Variants in PKIG observed in about 807,000 individuals in gnomAD.
The protein encoded by PKIG is cAMP-dependent protein kinase inhibitor gamma, also known as protein kinase (cAMP-dependent, catalytic) inhibitor gamma.
Under a neutral mutation model 6.8 loss-of-function variants are expected in PKIG, and 1 was observed. The ratio of observed to expected loss-of-function variants is 0.15; its 90% CI spans 0.05 to 0.69. PKIG has a LOEUF of 0.69. PKIG is among the 30% of genes least tolerant of loss of function. PKIG has a pLI of 0.82. For synonymous variants in PKIG, 39 were observed against 43.0 expected, an observed-to-expected ratio of 0.91 and a Z score of 0.36; for missense variants, 77 against 104.0, an observed-to-expected ratio of 0.74 and a Z score of 1.13.
At chr20:44,541,696 T>C (rs2064563081) in intron 1 of PKIG, among the ~76,000 whole-genome samples, 1 of 111,258 alleles carries the variant, frequency 9.0e-6, no homozygotes, top group Non-Finnish European at 1.9e-5. Context: ...CTTTAGGTTC[T>C]TTTTTTTTTT....
chr20:44,590,347 G>A (rs2065024394), intron 2 of PKIG, among the ~76,000 whole-genome samples: 2 of 152,136 alleles, frequency 1.3e-5, no homozygotes, highest in Non-Finnish European at 1.5e-5. Context: ...AAATGGGTTC[G>A]GCCCAGTAGT....
intron 2 of PKIG, among the ~76,000 whole-genome samples, chr20:44,606,291 A>C (rs1161895313): frequency 2.0e-5 from 3 of 152,216 alleles, no homozygotes; most frequent in African/African-American, 7.2e-5. Flanking sequence ...GAACTAAAAC[A>C]ATCAGGCACT....
intron 2 of PKIG, among the ~76,000 whole-genome samples, chr20:44,595,382 T>C (rs1445743872): frequency 6.6e-6 from 1 of 152,236 alleles, no homozygotes; most frequent in Non-Finnish European, 1.5e-5. Context: ...TGCCAGAATC[T>C]TGAGAGAGCA....
rs753045473 is a variant in PKIG, at chr20:44,571,940, A to G, written c.-240-10645A>G. ...GGATCTGTTCTGAAAGCCTTTAATC[A>G]TCGTAGAAACGTTCTCTTTGTAGGG... On this transcript the variant is annotated intron_variant, in intron 1 of 4. Transcript: ENST00000372887. Among the ~76,000 whole-genome samples the G allele has an allele frequency of 2.2e-4, 33 of 149,494 alleles. 1 individual carries two copies. The highest frequency in any genetic ancestry group is 8.0e-4 in the African/African-American group (31 of 38,858).
At chr20:44,562,804 A>G (rs1365352747) in intron 1 of PKIG, among the ~76,000 whole-genome samples, 1 of 152,180 alleles carries the variant, frequency 6.6e-6, no homozygotes, top group East Asian at 1.9e-4. Context: ...CACGCCTGTA[A>G]TCCCACCACT....
intron 1 of PKIG, among the ~76,000 whole-genome samples, chr20:44,586,299 A>G (rs771424863): frequency 2.6e-5 from 4 of 152,200 alleles, no homozygotes; most frequent in Non-Finnish European, 4.4e-5. Flanking sequence ...CCAGAAAGAG[A>G]ATGTCAGCCA....
chr20:44,611,520 CTT>C (rs1330858238), intron 2 of PKIG, among the ~76,000 whole-genome samples: 16 of 141,424 alleles, frequency 1.1e-4, no homozygotes, highest in East Asian at 2.0e-4. Context: ...TCTATATCAA[CTT>C]TTTTTTTTTT....
chr20:44,532,143 A>G (rs6031647), intron 1 of PKIG, among the ~76,000 whole-genome samples: 11,247 of 151,952 alleles, frequency 0.074, 457 homozygotes, highest in South Asian at 0.15. Flanking sequence ...ACGCCCTTTG[A>G]CCCCGCCCCG....
chr20:44,533,195 C>T (rs910142565), intron 1 of PKIG, among the ~76,000 whole-genome samples: 7 of 151,906 alleles, frequency 4.6e-5, no homozygotes, highest in African/African-American at 1.7e-4. Context: ...ACAGTGTGTG[C>T]GTGTATGTAT....
intron 2 of PKIG, among the ~76,000 whole-genome samples, chr20:44,593,705 A>G (rs1000286843): frequency 1.3e-5 from 2 of 152,216 alleles, no homozygotes; most frequent in African/African-American, 4.8e-5. Flanking sequence ...ATTACAGTTA[A>G]TAATATGGTA....
chr20:44,558,553 CTTTT>C (rs1301090572), intron 1 of PKIG, among the ~76,000 whole-genome samples: 1 of 131,858 alleles, frequency 7.6e-6, no homozygotes, highest in African/African-American at 3.2e-5. Flanking sequence ...CCTCACATTT[CTTTT>C]TCTTTCTTTT....
At chr20:44,580,229 A>G (rs1019080303), upstream of PKIG, among the ~76,000 whole-genome samples, 3 of 152,200 alleles carry the variant, frequency 2.0e-5, no homozygotes, top group Non-Finnish European at 4.4e-5. Context: ...TACACTGGGA[A>G]ACCAAAGCAC....
intron 1 of PKIG, among the ~76,000 whole-genome samples, chr20:44,573,322 A>G (rs2064869348): frequency 6.6e-6 from 1 of 152,232 alleles, no homozygotes; most frequent in Non-Finnish European, 1.5e-5. Flanking sequence ...TGCTGCATTC[A>G]TGTGCAGTGA....
intron 1 of PKIG, among the ~76,000 whole-genome samples, chr20:44,547,620 G>T (rs1372924237): frequency 6.6e-6 from 1 of 152,194 alleles, no homozygotes; most frequent in African/African-American, 2.4e-5. Flanking sequence ...TATCACTCCT[G>T]CGTAGTTTGT....
intron 1 of PKIG, chr20:44,585,231 T>G (rs2064980408): frequency 6.6e-6 from 1 of 152,304 alleles, no homozygotes; most frequent in Non-Finnish European, 1.5e-5. Context: ...CAGATGAGGG[T>G]GGCTTTCAGT....
At chr20:44,576,152 A>G (rs2123313710) in intron 1 of PKIG, among the ~76,000 whole-genome samples, 1 of 140,896 alleles carries the variant, frequency 7.1e-6, no homozygotes, top group Non-Finnish European at 1.5e-5. Context: ...AGACTGGACT[A>G]AGTAGAGTGT....
At chr20:44,583,805 C>A (rs1208375335) in intron 1 of PKIG, among the ~76,000 whole-genome samples, 1 of 152,106 alleles carries the variant, frequency 6.6e-6, no homozygotes, top group African/African-American at 2.4e-5. Context: ...TGTATTGGGC[C>A]CTTATGGCTT....
upstream of PKIG, among the ~76,000 whole-genome samples, chr20:44,581,349 G>A (rs2064946703): frequency 6.6e-6 from 1 of 152,114 alleles, no homozygotes; most frequent in African/African-American, 2.4e-5. Context: ...CCTTACATGT[G>A]TTTTTTAATT....
intron 2 of PKIG, among the ~76,000 whole-genome samples, chr20:44,603,371 A>C (rs969780087): frequency 2.0e-5 from 3 of 152,158 alleles, no homozygotes; most frequent in Admixed American, 6.5e-5. Context: ...TTGAATCTTC[A>C]TAACAGCCCC....
Sources: allele counts gnomAD v4.1 joint callset (sites outside exome capture counted in the v4.1 genomes callset), GRCh38; gene constraint gnomAD v4.1.1; transcripts MANE v1.5; gene names NCBI Gene and HGNC (gene_info 2026-07-23, HGNC 2026-07-21).